Variants in CDH2 observed in about 807,000 individuals in gnomAD.
CDH2 encodes cadherin 2, also known as cadherin-2.
A neutral mutation model predicts 92.0 loss-of-function variants in CDH2; 17 were observed. The ratio of observed to expected loss-of-function variants is 0.18; its 90% CI spans 0.13 to 0.28. CDH2 has a LOEUF of 0.28. Ranked by LOEUF, CDH2 falls within the 10% of genes least tolerant of loss-of-function variation. The pLI is 1.00. For synonymous variants in CDH2, 419 were observed against 415.9 expected (o/e 1.01, Z -0.09); for missense variants, 862 against 1,133.1 (o/e 0.76, Z 3.44).
chr18:28,002,471 T>A (rs145154204), intron 7 of CDH2, among the ~76,000 whole-genome samples: 55 of 152,332 alleles, frequency 3.6e-4, no homozygotes, highest in African/African-American at 1.3e-3. Flanking sequence ...ATTAATGCAG[T>A]TACTACTGCT....
chr18:28,144,924 G>A (rs574019024), intron 2 of CDH2, among the ~76,000 whole-genome samples: 2 of 152,052 alleles, frequency 1.3e-5, no homozygotes, highest in Admixed American at 6.6e-5. Context: ...AAAAAATAAA[G>A]GGAAATGGGG....
At chr18:28,065,288 A>G (rs2014485640) in intron 2 of CDH2, among the ~76,000 whole-genome samples, 2 of 152,142 alleles carry the variant, frequency 1.3e-5, no homozygotes, top group South Asian at 4.1e-4. Flanking sequence ...TCCCAACTCT[A>G]TCAGGCATCA....
At chr18:28,074,882 T>C (rs1304185394) in intron 2 of CDH2, among the ~76,000 whole-genome samples, 1 of 151,992 alleles carries the variant, frequency 6.6e-6, no homozygotes, top group Non-Finnish European at 1.5e-5. Context: ...ATTAGAACAA[T>C]TTAACTGACC....
Position 27,957,133 on chromosome 18 carries a change from C to CCCATCCATCCATCCATCCATCCAT in CDH2, c.2515-4775_2515-4774insATGGATGGATGGATGGATGGATGG, listed in dbSNP as rs6146242. Among the ~76,000 whole-genome samples, 499 of 151,466 alleles carry CCCATCCATCCATCCATCCATCCAT rather than the reference C, an allele frequency of 3.3e-3. 1 individual carries two copies. The highest frequency in any genetic ancestry group is 9.2e-3 in the African/African-American group (378 of 41,266). ...TTTTATCTGATTAATATCCATCCAT[C>CCCATCCATCCATCCATCCATCCAT]CCATCCATCCATCCATCCAAAAGCT... On this transcript the variant is annotated intron_variant, in intron 15 of 15. Coordinates refer to ENST00000269141, the MANE Select transcript of CDH2 (RefSeq NM_001792.5).
At chr18:28,141,348 G>C (rs1251253184) in intron 2 of CDH2, among the ~76,000 whole-genome samples, 1 of 151,918 alleles carries the variant, frequency 6.6e-6, no homozygotes, top group East Asian at 1.9e-4. Context: ...AGGCTACAGG[G>C]AAGGGAAATC....
chr18:28,050,049 G>A (rs1211214991), intron 2 of CDH2, among the ~76,000 whole-genome samples: 1 of 152,162 alleles, frequency 6.6e-6, no homozygotes. Flanking sequence ...GGCATGTGGA[G>A]CAGATCTAGA....
intron 2 of CDH2, among the ~76,000 whole-genome samples, chr18:28,081,827 G>T (rs1250321205): frequency 6.6e-6 from 1 of 152,116 alleles, no homozygotes; most frequent in South Asian, 2.1e-4. Context: ...TAGCATTAAG[G>T]TAATAAAATA....
At chr18:28,015,003 A>G (rs2013203639) in intron 2 of CDH2, among the ~76,000 whole-genome samples, 1 of 152,180 alleles carries the variant, frequency 6.6e-6, no homozygotes, top group African/African-American at 2.4e-5. Flanking sequence ...TTCTGGCTAT[A>G]ATTACATAGG....
intron 7 of CDH2, among the ~76,000 whole-genome samples, chr18:27,994,776 G>A (rs1599018761): frequency 6.6e-6 from 1 of 151,986 alleles, no homozygotes; most frequent in Admixed American, 6.6e-5. Context: ...TTAGTTGTCA[G>A]GGGGAGGGGC....
In CDH2 at chr18:27,990,025, G is replaced by A; in HGVS notation, c.1598+72C>T. 3 of 1,305,440 alleles carry A rather than the reference G, an allele frequency of 2.3e-6. No individual in the cohort carries two copies. The South Asian group carries it at 4.3e-5, about 19-fold the overall frequency. 80.9% of individuals were successfully genotyped at this position (1,305,440 alleles called of 1,614,324 possible). A position where few individuals can be genotyped will look rare whatever the true frequency, so the allele number is the denominator to read the frequency against. On this transcript the variant is annotated intron_variant, in intron 10 of 15. Transcript: ENST00000269141. ...CAATGAAAATTTCTACTCAAATAGT[G>A]AATTAGATAAATTTTATGCACAGCA...
intron 6 of CDH2, among the ~76,000 whole-genome samples, chr18:27,938,313 G>T (rs2143831472): frequency 6.6e-6 from 1 of 152,228 alleles, no homozygotes; most frequent in South Asian, 2.1e-4. Context: ...TTTCTTTATA[G>T]GCAATGTGAG....
At chr18:27,954,600 G>C (rs899681664) in intron 15 of CDH2, 6 of 152,266 alleles carry the variant, frequency 3.9e-5, no homozygotes, top group African/African-American at 1.4e-4. Flanking sequence ...CTGAGTCACT[G>C]ACAGACTACA....
chr18:28,038,255 T>C (rs776518618), intron 2 of CDH2, among the ~76,000 whole-genome samples: 6 of 152,012 alleles, frequency 3.9e-5, no homozygotes, highest in Non-Finnish European at 7.4e-5. Flanking sequence ...AAACTCCGTA[T>C]CTACCAAAAA....
Position 27,960,573 on chromosome 18 carries a change from C to A in CDH2, c.2514+2784G>T, listed in dbSNP as rs73945079. Among the ~76,000 whole-genome samples the A allele has an allele frequency of 5.0e-3, 765 of 152,294 alleles. 13 individuals carry two copies. Among genetic ancestry groups the A allele is most frequent in the African/African-American group, 0.017 (692 of 41,568 alleles). Reference sequence around the variant, plus strand: ...TTCGGATACTGGCACATTTGCATTGCACAAATATCGTGCTAGCAACAAAGT... The same window carrying A: ...TTCGGATACTGGCACATTTGCATTGAACAAATATCGTGCTAGCAACAAAGT... On this transcript the variant is annotated intron_variant, in intron 15 of 15. Coordinates refer to ENST00000269141, the MANE Select transcript of CDH2 (RefSeq NM_001792.5).
chr18:28,126,086 A>G (rs1394545740), intron 2 of CDH2, among the ~76,000 whole-genome samples: 1 of 152,228 alleles, frequency 6.6e-6, no homozygotes, highest in African/African-American at 2.4e-5. Flanking sequence ...GAGATTGTTA[A>G]AAGTTTATAG....
At chr18:28,149,986 C>A (rs1042816989) in intron 1 of CDH2, among the ~76,000 whole-genome samples, 6 of 152,218 alleles carry the variant, frequency 3.9e-5, no homozygotes, top group Non-Finnish European at 7.3e-5. Flanking sequence ...ATACTTGACA[C>A]GTGTAAACAT....
Position 27,993,567 on chromosome 18 carries a change from T to C in CDH2, c.1091A>G (p.Asn364Ser). The C allele has an allele frequency of 1.2e-6, 2 of 1,614,156 alleles. No homozygotes were observed. The highest frequency in any genetic ancestry group is 1.7e-6 in the Non-Finnish European group (2 of 1,179,968). ...MEGNPTYGLS[N>S]TATAVITVTD... ...CACTGTGATGACGGCCGTGGCTGTG[T>C]TTGAAAGGCCATATGTGGGATTGCC... Residue 364 changes from asparagine to serine, a missense_variant, in exon 8 of 16, where the codon AAC becomes AGC. Physicochemically the swap from Asn to Ser is conservative, Grantham distance 46. Coordinates refer to ENST00000269141, the MANE Select transcript of CDH2 (RefSeq NM_001792.5).
intron 1 of CDH2, among the ~76,000 whole-genome samples, chr18:28,148,373 T>G (rs1403269382): frequency 6.6e-6 from 1 of 152,206 alleles, no homozygotes; most frequent in Non-Finnish European, 1.5e-5. Flanking sequence ...AAGTAAAGAT[T>G]AATACAACTA....
At chr18:28,014,608 T>A (rs1001834294) in intron 2 of CDH2, among the ~76,000 whole-genome samples, 51 of 152,024 alleles carry the variant, frequency 3.4e-4, no homozygotes, top group African/African-American at 1.2e-3. Flanking sequence ...ATTTAAAAAA[T>A]TTTAAACAAA....
Sources: gnomAD v4.1 joint callset for allele counts (sites outside exome capture counted in the v4.1 genomes callset) on GRCh38, gnomAD v4.1.1 for gene constraint, MANE v1.5 for transcripts, NCBI Gene and HGNC (gene_info 2026-07-23, HGNC 2026-07-21) for gene names.